The following TNC variants were observed in gnomAD, a reference collection of about 807,000 sequenced individuals.
TNC encodes tenascin C, also known as tenascin.
Under a neutral mutation model 202.4 loss-of-function variants are expected in TNC, and 109 were observed. The ratio of observed to expected loss-of-function variants is 0.54; its 90% confidence interval spans 0.46 to 0.63. TNC has a LOEUF of 0.63. Ranked by LOEUF, TNC falls within the 30% of genes least tolerant of loss-of-function variation. The pLI, the probability that TNC is intolerant of heterozygous loss-of-function variation, is 0.00. For missense variants in TNC, 2,756 were observed against 2,833.3 expected (o/e 0.97, Z 0.62); for synonymous variants, 1,007 against 1,089.7 (o/e 0.92, Z 1.50).
chr9:115,021,813 A>G (rs1829095566), intron 27 of TNC, among the ~76,000 whole-genome samples: 1 of 152,214 alleles, frequency 6.6e-6, no homozygotes, highest in Non-Finnish European at 1.5e-5. Context: ...TAAGTTCTCA[A>G]TATCTTCTGA....
chr9:115,047,961 G>T (rs970244488), intron 16 of TNC, among the ~76,000 whole-genome samples: 11 of 152,270 alleles, frequency 7.2e-5, no homozygotes, highest in South Asian at 6.2e-4. Context: ...CAGCCAGGTT[G>T]ATCACAAGGG....
chr9:115,021,291 G>C (rs752685004), intron 27 of TNC, 24 bp from the exon 28 acceptor site: 34 of 1,549,360 alleles, frequency 2.2e-5, no homozygotes, highest in Non-Finnish European at 2.7e-5. Context: ...AAAAGAGAGA[G>C]AGAGAGAGAG....
At chr9:115,063,592 G>A (rs1372221848) in intron 12 of TNC, among the ~76,000 whole-genome samples, 1 of 152,144 alleles carries the variant, frequency 6.6e-6, no homozygotes, top group African/African-American at 2.4e-5. Flanking sequence ...TAAAGGAGGA[G>A]TAGGTGGAAT....
At position 115,021,282 on chromosome 9, in the gene TNC, AAAGAGAG is replaced by A. The variant is rs1829046235; in HGVS notation, c.6496-22_6496-16del. On this transcript the variant is annotated splice_polypyrimidine_tract_variant and intron_variant, in intron 27 of 27. Coordinates refer to ENST00000350763, the MANE Select transcript of TNC (RefSeq NM_002160.4). ...CAGTTAACGCCCTGTTAAAAAAAAA[AAAGAGAG>A]AGAGAGAGAGAGAGAGAAGGCCTCC... is the stretch of plus-strand genomic sequence containing the variant. 11 of 1,490,096 alleles carry A rather than the reference AAAGAGAG, an allele frequency of 7.4e-6. No homozygotes were observed. Among genetic ancestry groups the A allele is most frequent in the Middle Eastern group, 1.9e-4 (1 of 5,400 alleles). The allele number at this position is 1,490,096 out of a possible 1,614,324, so 92.3% of individuals were successfully genotyped here. A position where few individuals can be genotyped will look rare whatever the true frequency, so the allele number is the denominator to read the frequency against.
intron 5 of TNC, among the ~76,000 whole-genome samples, chr9:115,082,304 A>G (rs2133332231): frequency 6.6e-6 from 1 of 152,330 alleles, no homozygotes; most frequent in South Asian, 2.1e-4. Flanking sequence ...TTAAATTCAG[A>G]GAACAAGTTC....
At chr9:115,089,560 G>A (rs867267590) in intron 2 of TNC, among the ~76,000 whole-genome samples, 23 of 151,894 alleles carry the variant, frequency 1.5e-4, no homozygotes, top group African/African-American at 5.1e-4. Context: ...GAGTGCAATG[G>A]CATGATCTCA....
chr9:115,088,498 C>T (rs965054901), intron 2 of TNC, among the ~76,000 whole-genome samples: 12 of 152,096 alleles, frequency 7.9e-5, no homozygotes, highest in South Asian at 4.1e-4. Flanking sequence ...TGACATTACT[C>T]GAGCCCCTTG....
At position 115,046,635 on chromosome 9, in the gene TNC, C is replaced by A; in HGVS notation, c.4900G>T (p.Asp1634Tyr). The A allele has an allele frequency of 6.2e-7, 1 of 1,613,798 alleles. No homozygotes were observed. The highest frequency in any genetic ancestry group is 1.3e-5 in the African/African-American group (1 of 74,980). The change falls in exon 17 of 28, where the codon GAC becomes TAC. Residue 1634 changes from aspartate to tyrosine, a missense_variant. This residue lies in a region of TNC where 2,559 missense variants were observed against 2,546.0 expected (regional missense o/e 1.01). Transcript: ENST00000350763. Reference sequence around the variant, plus strand: ...GCTGTCCAGGACAGACGGAAACCGTCTGGGGTGGCATCTGAAACCAGAAGG... The same window carrying A: ...GCTGTCCAGGACAGACGGAAACCGTATGGGGTGGCATCTGAAACCAGAAGG... ...DNLLVSDATP[D>Y]GFRLSWTADE...
intron 10 of TNC, among the ~76,000 whole-genome samples, chr9:115,066,205 C>T (rs1260036258): frequency 2.6e-5 from 4 of 152,052 alleles, no homozygotes; most frequent in East Asian, 3.9e-4. Flanking sequence ...CGCGAATGCA[C>T]GAAATTCCGT....
intron 26 of TNC, among the ~76,000 whole-genome samples, chr9:115,024,972 A>G (rs1022955778): frequency 2.0e-5 from 3 of 152,230 alleles, no homozygotes; most frequent in African/African-American, 7.2e-5. Context: ...AAAGGAACCC[A>G]GATACCTTTT....
chr9:115,087,527 G>GATGTGTGTGT (rs1225588082), intron 2 of TNC, among the ~76,000 whole-genome samples: 1 of 148,734 alleles, frequency 6.7e-6, no homozygotes, highest in African/African-American at 2.5e-5. Flanking sequence ...TATGCATAGG[G>GATGTGTGTGT]GTGTGTGTGT....
rs1364646136 is a variant in TNC at position 115,029,417 on chromosome 9, G to C, written c.6112C>G (p.Gln2038Glu). 6.2e-7 allele frequency: 1 copy of C among 1,613,942 alleles called. No individual in the cohort carries two copies. Among genetic ancestry groups the C allele is most frequent in the Non-Finnish European group, 8.5e-7 (1 of 1,180,010 alleles). The change falls in exon 25 of 28, where the codon CAA becomes GAA. Residue 2038 changes from glutamine to glutamate, a missense_variant. Gln to Glu is a conservative substitution (Grantham distance 29). Transcript: ENST00000350763. ...RRKNGRENFYQNWKAYAAGFG... is the reference protein window; with the variant it reads ...RRKNGRENFYENWKAYAAGFG... ...CCAGCAGCATATGCCTTCCAGTTTT[G>C]GTAGAAGTTCTCGCGTCCGTTTTTG...
At chr9:115,083,939 T>C (rs1284885536) in intron 4 of TNC, among the ~76,000 whole-genome samples, 1 of 152,204 alleles carries the variant, frequency 6.6e-6, no homozygotes, top group Non-Finnish European at 1.5e-5. Context: ...GTAGACTGCT[T>C]ACAACAAAGT....
intron 1 of TNC, among the ~76,000 whole-genome samples, chr9:115,108,933 T>C (rs981031706): frequency 6.6e-6 from 1 of 152,226 alleles, no homozygotes; most frequent in Non-Finnish European, 1.5e-5. Flanking sequence ...TTTATGGTAT[T>C]TTGTTGTAGC....
chr9:115,081,553 A>T (rs1008991076), intron 6 of TNC, among the ~76,000 whole-genome samples: 10 of 152,218 alleles, frequency 6.6e-5, no homozygotes, highest in Admixed American at 3.9e-4. Flanking sequence ...CAGATACATG[A>T]GGAGTGCAGT....
rs532308103 is a variant in TNC at position 115,031,627 on chromosome 9, G to A, written c.5846C>T (p.Thr1949Ile). Residue 1949 changes from threonine (T) to isoleucine (I), a missense_variant, in exon 23 of 28, where the codon ACC (threonine) becomes ATC (isoleucine). Coordinates refer to ENST00000350763, the MANE Select transcript of TNC (RefSeq NM_002160.4). ...SYSLADLSPS[T>I]HYTAKIQALN... is the part of the protein sequence containing the mutation. Reference sequence around the variant, plus strand: ...TGCCTGGATCTTGGCTGTGTAGTGGGTGGATGGGCTCAGGTCTGCCAGGCT... The same window carrying A: ...TGCCTGGATCTTGGCTGTGTAGTGGATGGATGGGCTCAGGTCTGCCAGGCT... 33 of 1,612,874 alleles carry A rather than the reference G, an allele frequency of 2.0e-5. 1 individual carries two copies. The Admixed American group carries it at 4.8e-4, about 24-fold the overall frequency.
At chr9:115,032,468 T>C (rs1446424734) in intron 22 of TNC, among the ~76,000 whole-genome samples, 1 of 152,184 alleles carries the variant, frequency 6.6e-6, no homozygotes, top group Admixed American at 6.5e-5. Context: ...GGTAGCAAGA[T>C]GAATCACACA....
chr9:115,037,681 C>A (rs1830437465), intron 20 of TNC, among the ~76,000 whole-genome samples: 1 of 152,134 alleles, frequency 6.6e-6, no homozygotes, highest in Admixed American at 6.6e-5. Context: ...GCATGCACCA[C>A]TATGCCCAGC....
chr9:115,072,112 C>T (rs115906551), intron 10 of TNC, among the ~76,000 whole-genome samples: 2,015 of 152,308 alleles, frequency 0.013, 48 homozygotes, highest in African/African-American at 0.046. Flanking sequence ...AGAAGACTAC[C>T]TTTCCCTGCC....
Sources: gnomAD v4.1 joint callset for allele counts (sites outside exome capture counted in the v4.1 genomes callset) on GRCh38, gnomAD v4.1.1 for gene constraint, gnomAD v4.1.1 regional missense constraint, MANE v1.5 for transcripts, NCBI Gene and HGNC (gene_info 2026-07-23, HGNC 2026-07-21) for gene names.